The following TYRP1 variants were observed in gnomAD, a reference collection of about 807,000 sequenced individuals.
TYRP1 encodes 5,6-dihydroxyindole-2-carboxylic acid oxidase.
In TYRP1, 49 loss-of-function variants were observed where a neutral mutation model predicts 42.8. The ratio of observed to expected loss-of-function variants is 1.14; its 90% CI spans 0.91 to 1.45. The LOEUF is 1.45. Among genes scored for constraint, TYRP1 ranks in the 40% most tolerant of loss-of-function variants. TYRP1 has a pLI of 0.00. For synonymous variants in TYRP1, 279 were observed against 235.4 expected, an observed-to-expected ratio of 1.19 and a Z score of -1.69; for missense variants, 848 against 662.0, an observed-to-expected ratio of 1.28 and a Z score of -3.08.
At position 12,695,635 on chromosome 9, in the gene TYRP1, T is replaced by C. The variant is rs367684434; in HGVS notation, c.506T>C (p.Ile169Thr). Residue 169 changes from isoleucine to threonine, a missense_variant, in exon 3 of 8, where the codon ATA (isoleucine) becomes ACA (threonine). Physicochemically the swap from Ile to Thr is moderately conservative, Grantham distance 89. Transcript: ENST00000388918. ...FVIATRRSEE[I>T]LGPDGNTPQF... ...ATTGCCACCAGGAGATCAGAAGAAATACTGGGGCCAGATGGCAACACGCCA... is the reference window on the plus strand; with the variant it reads ...ATTGCCACCAGGAGATCAGAAGAAACACTGGGGCCAGATGGCAACACGCCA... 6 of 1,614,040 alleles carry C rather than the reference T, an allele frequency of 3.7e-6. No homozygotes were observed. The highest frequency in any genetic ancestry group is 1.3e-5 in the African/African-American group (1 of 74,922).
intron 5 of TYRP1, among the ~76,000 whole-genome samples, chr9:12,703,030 C>T (rs1250438861): frequency 6.6e-6 from 1 of 151,932 alleles, no homozygotes; most frequent in Non-Finnish European, 1.5e-5. Context: ...ATTACTATCA[C>T]AAGATATTCA....
chr9:12,709,392 T>C lies in TYRP1; in HGVS notation c.*210T>C. The C allele has an allele frequency of 1.7e-6, 1 of 576,512 alleles. No individual in the cohort carries two copies. The highest frequency in any genetic ancestry group is 2.0e-5 in the South Asian group (1 of 50,438). The allele number at this position is 576,512 out of a possible 1,614,324, so 35.7% of individuals were successfully genotyped here. A position where few individuals can be genotyped will look rare whatever the true frequency, so the allele number is the denominator to read the frequency against. ...TTTTAATTTTCAGTTCTATTTAAAA[T>C]GGTGAATGACACTAAACTCCATGAT... On this transcript the variant is annotated 3_prime_UTR_variant, in exon 8 of 8. Coordinates refer to ENST00000388918, the MANE Select transcript of TYRP1 (RefSeq NM_000550.3).
chr9:12,693,864 A>G, intron 1 of TYRP1, 48 bp from the exon 2 acceptor site: 1 of 1,270,156 alleles, frequency 7.9e-7, no homozygotes, highest in Non-Finnish European at 1.1e-6. Context: ...TACCATTTTA[A>G]GTACCAAGAA....
chr9:12,694,303 G>C lies in TYRP1; in HGVS notation c.307G>C (p.Gly103Arg). 4 of 1,613,988 alleles carry C rather than the reference G, an allele frequency of 2.5e-6. No homozygotes were observed. Among genetic ancestry groups the C allele is most frequent in the Non-Finnish European group, 3.4e-6 (4 of 1,179,986 alleles). The change falls in exon 2 of 8, where the codon GGC (glycine) becomes CGC (arginine). Residue 103 changes from glycine (G) to arginine (R), a missense_variant. Coordinates refer to ENST00000388918, the MANE Select transcript of TYRP1 (RefSeq NM_000550.3). ...RFFNRTCHCN[G>R]NFSGHNCGTC... ...CTTCAATAGGACATGTCACTGCAAC[G>C]GCAATTTCTCAGGACACAACTGTGG...
intron 1 of TYRP1, among the ~76,000 whole-genome samples, 192 bp downstream of exon 1, chr9:12,693,670 T>G (rs1045516978): frequency 6.6e-6 from 1 of 151,344 alleles, no homozygotes; most frequent in Non-Finnish European, 1.5e-5. Flanking sequence ...ATATCTAGTA[T>G]GTATATATAT....
chr9:12,709,418 A>G lies in TYRP1; in HGVS notation c.*236A>G. 2 of 526,130 alleles carry G rather than the reference A, an allele frequency of 3.8e-6. No homozygotes were observed. Among genetic ancestry groups the G allele is most frequent in the South Asian group, 4.2e-5 (2 of 47,978 alleles). The allele number at this position is 526,130 out of a possible 1,614,324, so 32.6% of individuals were successfully genotyped here. A position where few individuals can be genotyped will look rare whatever the true frequency, so the allele number is the denominator to read the frequency against. ...GGTGAATGACACTAAACTCCATGAT[A>G]TTTAAGGATAGTGTGAAGATCTTTG... On this transcript the variant is annotated 3_prime_UTR_variant, in exon 8 of 8. Coordinates refer to ENST00000388918, the MANE Select transcript of TYRP1 (RefSeq NM_000550.3).
At chr9:12,701,296 A>C (rs1818163766) in intron 4 of TYRP1, among the ~76,000 whole-genome samples, 1 of 151,930 alleles carries the variant, frequency 6.6e-6, no homozygotes, top group African/African-American at 2.4e-5. Flanking sequence ...TACTCCAGGC[A>C]AACTATTTCC....
chr9:12,699,635 G>C (rs898780461), intron 4 of TYRP1, among the ~76,000 whole-genome samples: 6 of 152,106 alleles, frequency 3.9e-5, no homozygotes, highest in African/African-American at 1.4e-4. Flanking sequence ...AGGAATAAGA[G>C]AAGTGATAAT....
At position 12,695,669 on chromosome 9, in the gene TYRP1, G is replaced by T; in HGVS notation, c.540G>T (p.Glu180Asp). The change falls in exon 3 of 8, where the codon GAG (glutamate) becomes GAT (aspartate). Residue 180 changes from glutamate to aspartate, a missense_variant. Transcript: ENST00000388918. Reference protein sequence around the residue: ...LGPDGNTPQFENISIYNYFVW... With the variant: ...LGPDGNTPQFDNISIYNYFVW... The stretch of plus-strand genomic sequence containing the variant: ...CAGATGGCAACACGCCACAATTTGA[G>T]AACATTTCCATTTATAACTACTTTG... 1 of 1,614,132 alleles carries T rather than the reference G, an allele frequency of 6.2e-7. No homozygotes were observed. The highest frequency in any genetic ancestry group is 8.5e-7 in the Non-Finnish European group (1 of 1,180,028).
rs1818182191 is a variant in TYRP1 at position 12,702,290 on chromosome 9, T to C, written c.933T>C (p.Ile311=). 1.9e-6 allele frequency: 3 copies of C among 1,612,886 alleles called. No homozygotes were observed. The highest frequency in any genetic ancestry group is 2.5e-6 in the Non-Finnish European group (3 of 1,179,390). Residue 311 remains isoleucine (I), a synonymous_variant, in exon 5 of 8, where the codon ATT becomes ATC. Coordinates refer to ENST00000388918, the MANE Select transcript of TYRP1 (RefSeq NM_000550.3). ...CTGCAGGCACCGAGGATGGGCCAAT[T>C]AGGAGAAATCCAGCTGGAAATGTGG... ...TLCNSTEDGP[I]RRNPAGNVAR...
At chr9:12,698,099 CAAG>C (rs2118231321) in intron 3 of TYRP1, among the ~76,000 whole-genome samples, 1 of 152,036 alleles carries the variant, frequency 6.6e-6, no homozygotes, top group African/African-American at 2.4e-5. Flanking sequence ...GTGGAAATGC[CAAG>C]AAGTGGATGT....
intron 4 of TYRP1, chr9:12,700,401 T>TTAA (rs1212250845): frequency 6.6e-6 from 1 of 152,088 alleles, no homozygotes; most frequent in African/African-American, 2.4e-5. Flanking sequence ...TTGAAAATAG[T>TTAA]TAATATTTTA....
intron 5 of TYRP1, 115 bp downstream of exon 5, chr9:12,702,553 T>A (rs1818189121): frequency 9.1e-7 from 1 of 1,099,944 alleles, no homozygotes; most frequent in Non-Finnish European, 1.3e-6. Flanking sequence ...TGTGTGTTTA[T>A]GTGAATGAGA....
At position 12,708,096 on chromosome 9, in the gene TYRP1, T is replaced by C. The variant is rs767677223; in HGVS notation, c.1361T>C (p.Val454Ala). Residue 454 changes from valine (V) to alanine (A), a missense_variant, in exon 7 of 8, where the codon GTT becomes GCT. Val to Ala is a moderately conservative substitution (Grantham distance 64, BLOSUM62 0). Transcript: ENST00000388918. Reference protein sequence around the residue: ...WPPVTNTEMFVTAPDNLGYTY... With the variant: ...WPPVTNTEMFATAPDNLGYTY... ...CCAGTCACCAACACAGAAATGTTTG[T>C]TACTGCTCCAGACAACCTGGGATAC... is the stretch of plus-strand genomic sequence containing the variant. 1.9e-6 allele frequency: 3 copies of C among 1,612,766 alleles called. No homozygotes were observed. Among genetic ancestry groups the C allele is most frequent in the Non-Finnish European group, 2.5e-6 (3 of 1,179,334 alleles).
rs770027329 is a variant in TYRP1, at chr9:12,693,964, A to G, written c.-33A>G. 1 of 1,612,980 alleles carries G rather than the reference A, an allele frequency of 6.2e-7. No individual in the cohort carries two copies. Among genetic ancestry groups the G allele is most frequent in the South Asian group, 1.1e-5 (1 of 90,948 alleles). ...TTCTCTACACAAAGAGCTGCAAACC[A>G]GGTCTTTGTTTTGCACTCTTATTTC... is the stretch of plus-strand genomic sequence containing the variant. On this transcript the variant is annotated 5_prime_UTR_variant, in exon 2 of 8. Transcript: ENST00000388918.
At chr9:12,698,730 C>G (rs1818118886) in intron 4 of TYRP1, 75 bp downstream of exon 4, 2 of 1,322,684 alleles carry the variant, frequency 1.5e-6, no homozygotes, top group African/African-American at 2.9e-5. Context: ...CTGAAAGGCC[C>G]TTCATTCTAC....
At position 12,694,378 on chromosome 9, in the gene TYRP1, A is replaced by G. The variant is rs770988738; in HGVS notation, c.382A>G (p.Ile128Val). 5 of 1,613,922 alleles carry G rather than the reference A, an allele frequency of 3.1e-6. No individual in the cohort carries two copies. The Admixed American group carries it at 5.0e-5, about 16-fold the overall frequency. ...AGCTGCCTGTGACCAGAGGGTTCTC[A>G]TAGGTAAGTGGAGATATGAATGAGT... ...RGAACDQRVL[I>V]VRRNLLDLSK... Residue 128 changes from isoleucine to valine, a missense_variant, in exon 2 of 8, where the codon ATA becomes GTA. Coordinates refer to ENST00000388918, the MANE Select transcript of TYRP1 (RefSeq NM_000550.3).
intron 6 of TYRP1, among the ~76,000 whole-genome samples, chr9:12,705,989 A>G (rs1027334256): frequency 1.3e-5 from 2 of 152,082 alleles, no homozygotes; most frequent in African/African-American, 4.8e-5. Flanking sequence ...GAAATACAAT[A>G]TGAGGGCAAA....
chr9:12,707,916 T>A (rs1232381443), intron 6 of TYRP1, 81 bp from the exon 7 acceptor site: 1 of 1,379,820 alleles, frequency 7.2e-7, no homozygotes, highest in Non-Finnish European at 9.9e-7. Context: ...TCCTTGAATA[T>A]TGGATGCCTT....
Sources: allele counts gnomAD v4.1 joint callset (sites outside exome capture counted in the v4.1 genomes callset), GRCh38; gene constraint gnomAD v4.1.1; transcripts MANE v1.5; gene names NCBI Gene and HGNC (gene_info 2026-07-23, HGNC 2026-07-21).